The following FBP2 variants were observed in gnomAD, a reference collection of about 807,000 sequenced individuals.
FBP2 encodes the protein fructose-bisphosphatase 2.
Under a neutral mutation model 31.6 loss-of-function variants are expected in FBP2, and 27 were observed. The ratio of observed to expected loss-of-function variants is 0.85; its 90% confidence interval spans 0.63 to 1.18. The LOEUF is 1.18. Ranked by LOEUF, FBP2 falls within the 50% of genes most tolerant of loss-of-function variation. The pLI, the probability that FBP2 is intolerant of heterozygous loss-of-function variation, is 0.00. For synonymous variants in FBP2, 168 were observed against 179.8 expected, an observed-to-expected ratio of 0.93 and a Z score of 0.53; for missense variants, 421 against 436.1, an observed-to-expected ratio of 0.97 and a Z score of 0.31.
At chr9:94,566,998 G>C (rs1015388988) in intron 5 of FBP2, among the ~76,000 whole-genome samples, 4 of 152,154 alleles carry the variant, frequency 2.6e-5, no homozygotes, top group Non-Finnish European at 5.9e-5. Context: ...CGTGAGCTCT[G>C]AATTTTGTAA....
At chr9:94,583,850 G>A (rs1587844705) in intron 3 of FBP2, among the ~76,000 whole-genome samples, 2 of 152,026 alleles carry the variant, frequency 1.3e-5, no homozygotes, top group Non-Finnish European at 2.9e-5. Flanking sequence ...CAAGTGATCC[G>A]CCCGCCTCAG....
chr9:94,559,545 T>G (rs1587834108), intron 6 of FBP2, among the ~76,000 whole-genome samples: 1 of 149,888 alleles, frequency 6.7e-6, no homozygotes, highest in East Asian at 1.9e-4. Context: ...GATGGGACAG[T>G]AAGGTCACCT....
At chr9:94,572,713 A>AAC (rs775319125) in intron 3 of FBP2, among the ~76,000 whole-genome samples, 12 of 152,022 alleles carry the variant, frequency 7.9e-5, no homozygotes, top group South Asian at 2.1e-4. Flanking sequence ...ACACACACAC[A>AAC]ACACACACAT....
intron 1 of FBP2, among the ~76,000 whole-genome samples, chr9:94,592,016 A>G (rs910885140): frequency 1.3e-5 from 2 of 152,122 alleles, no homozygotes. Context: ...GGGGGAGCCC[A>G]ATTTATGTGG....
chr9:94,569,712 C>T (rs922718143), intron 4 of FBP2: 1 of 152,242 alleles, frequency 6.6e-6, no homozygotes, highest in African/African-American at 2.4e-5. Context: ...CAAGAAACAA[C>T]AGCTCCCATT....
At chr9:94,588,211 T>G (rs1379148895) in intron 1 of FBP2, among the ~76,000 whole-genome samples, 4 of 152,168 alleles carry the variant, frequency 2.6e-5, no homozygotes, top group African/African-American at 9.7e-5. Context: ...TGGAATGAAT[T>G]AAAATTGCCC....
intron 6 of FBP2, among the ~76,000 whole-genome samples, chr9:94,561,510 ATG>A (rs1827102819): frequency 2.0e-5 from 3 of 151,942 alleles, no homozygotes; most frequent in Non-Finnish European, 4.4e-5. Context: ...CCACAGGCAC[ATG>A]CCACCACGCC....
At position 94,581,024 on chromosome 9, in the gene FBP2, C is replaced by T. The variant is rs146328665; in HGVS notation, c.426+3553G>A. ...AGTAAGATTAATTTATTAATTTTGCCTCTGTCTAAAGTAATATGATTTATT... is the reference window on the plus strand; with the variant it reads ...AGTAAGATTAATTTATTAATTTTGCTTCTGTCTAAAGTAATATGATTTATT... On this transcript the variant is annotated intron_variant, in intron 3 of 6. Transcript: ENST00000375337. 3.4e-3 allele frequency among the ~76,000 whole-genome samples: 523 copies of T among 152,294 alleles called. 7 individuals are homozygous for T. The highest frequency in any genetic ancestry group is 0.011 in the African/African-American group (446 of 41,560).
At chr9:94,562,502 ATC>A (rs896606442) in intron 6 of FBP2, among the ~76,000 whole-genome samples, 13 of 151,784 alleles carry the variant, frequency 8.6e-5, no homozygotes, top group African/African-American at 2.2e-4. Context: ...ACCTATTAAA[ATC>A]TCTCTGGCTT....
intron 1 of FBP2, 70 bp downstream of exon 1, chr9:94,593,487 A>C (rs1587848262): frequency 6.9e-7 from 1 of 1,458,226 alleles, no homozygotes; most frequent in South Asian, 1.4e-5. Flanking sequence ...TTGCCAAAGC[A>C]CCTGCAGCTC....
chr9:94,587,387 T>C lies in FBP2; in HGVS notation c.253A>G (p.Met85Val), dbSNP rs1454355475. The C allele has an allele frequency of 1.2e-6, 2 of 1,614,096 alleles. No individual in the cohort carries two copies. The highest frequency in any genetic ancestry group is 1.7e-6 in the Non-Finnish European group (2 of 1,179,964). The change falls in exon 2 of 7, where the codon ATG becomes GTG. Residue 85 changes from methionine to valine, a missense_variant. Transcript: ENST00000375337. ...CAGGTACTATAGGAGGATTGGACCATGTTGATCACCAGGGAATTGGATAGC... is the reference window on the plus strand; with the variant it reads ...CAGGTACTATAGGAGGATTGGACCACGTTGATCACCAGGGAATTGGATAGC... ...DVLSNSLVIN[M>V]VQSSYSTCVL...
Position 94,558,918 on chromosome 9 carries a change from G to T in FBP2, c.*20C>A. The T allele has an allele frequency of 1.2e-6, 2 of 1,611,594 alleles. No individual in the cohort carries two copies. Among genetic ancestry groups the T allele is most frequent in the South Asian group, 1.1e-5 (1 of 91,008 alleles). On this transcript the variant is annotated 3_prime_UTR_variant, in exon 7 of 7. Transcript: ENST00000375337. ...ACAAGGTGCAAGACAAACAGAAGAG[G>T]GCATGTGGGGTCAAACTCGCTAGCT...
chr9:94,577,530 T>G (rs1827327340), intron 3 of FBP2: 2 of 152,240 alleles, frequency 1.3e-5, no homozygotes, highest in Non-Finnish European at 2.9e-5. Context: ...CTGCTTTAAA[T>G]CTGCTGTTAT....
In FBP2 at chr9:94,571,596, C is replaced by T. The variant is rs150017904; in HGVS notation, c.433G>A (p.Glu145Lys). 1.1e-5 allele frequency: 18 copies of T among 1,612,114 alleles called. No individual in the cohort carries two copies. In the African/African-American group the frequency reaches 1.6e-4, roughly 14 times the overall value. ...TIFAIYRKTS[E>K]DEPSEKDALQ... ...GCATCCTTTTCAGAAGGCTCATCCT[C>T]TGAGGTCTGTGGAAGAGAGGGATAA... is the stretch of plus-strand genomic sequence containing the variant. Residue 145 changes from glutamate to lysine, a missense_variant, in exon 4 of 7, where the codon GAG (glutamate) becomes AAG (lysine). Physicochemically the swap from Glu to Lys is moderately conservative, Grantham distance 56. Coordinates refer to ENST00000375337, the MANE Select transcript of FBP2 (RefSeq NM_003837.4).
intron 1 of FBP2, among the ~76,000 whole-genome samples, chr9:94,589,053 A>T (rs1179943873): frequency 6.6e-6 from 1 of 152,180 alleles, no homozygotes; most frequent in African/African-American, 2.4e-5. Flanking sequence ...GGTCCCCAAC[A>T]TCTTACTCGA....
At position 94,591,190 on chromosome 9, in the gene FBP2, G is replaced by C. The variant is rs187398336; in HGVS notation, c.170+2367C>G. Among the ~76,000 whole-genome samples the C allele has an allele frequency of 7.8e-3, 1,185 of 152,338 alleles. 22 individuals carry two copies. Among genetic ancestry groups the C allele is most frequent in the Non-Finnish European group, 0.01 (699 of 68,026 alleles). The stretch of plus-strand genomic sequence containing the variant: ...TCGATGGGACTGAGCGCTGTGGAGC[G>C]GGGGGTGGCGCTCGTCGGGGAGGCT... On this transcript the variant is annotated intron_variant, in intron 1 of 6. Coordinates refer to ENST00000375337, the MANE Select transcript of FBP2 (RefSeq NM_003837.4).
At chr9:94,567,477 C>T in intron 4 of FBP2, 70 bp from the exon 5 acceptor site, 1 of 1,581,934 alleles carries the variant, frequency 6.3e-7, no homozygotes, top group Non-Finnish European at 8.6e-7. Flanking sequence ...ACAATCCCCA[C>T]ATCAGAGCAG....
At chr9:94,590,807 G>C (rs544736645) in intron 1 of FBP2, among the ~76,000 whole-genome samples, 27 of 152,164 alleles carry the variant, frequency 1.8e-4, no homozygotes, top group Non-Finnish European at 3.4e-4. Flanking sequence ...TGGTAGAGCC[G>C]AGTGGCCTGT....
At chr9:94,559,425 A>G (rs1185999797) in intron 6 of FBP2, among the ~76,000 whole-genome samples, 2 of 152,188 alleles carry the variant, frequency 1.3e-5, no homozygotes, top group African/African-American at 4.8e-5. Context: ...ACTTGGAAAT[A>G]TGAGATCTAG....
Sources: gnomAD v4.1 joint callset for allele counts (sites outside exome capture counted in the v4.1 genomes callset) on GRCh38, gnomAD v4.1.1 for gene constraint, MANE v1.5 for transcripts, NCBI Gene and HGNC (gene_info 2026-07-23, HGNC 2026-07-21) for gene names.